Variants in FAM13A observed in about 807,000 individuals in gnomAD.
The protein encoded by FAM13A is protein FAM13A.
Under a neutral mutation model 129.6 loss-of-function variants are expected in FAM13A, and 76 were observed. That is an observed-to-expected ratio of 0.59 (90% CI 0.49 to 0.71). The LOEUF (loss-of-function observed/expected upper bound fraction) is 0.71, where lower values mean the gene tolerates loss of function less well. FAM13A is among the 30% of genes least tolerant of loss of function. The pLI is 0.00. For missense variants in FAM13A, 1,108 were observed against 1,249.3 expected, an observed-to-expected ratio of 0.89 and a Z score of 1.70; for synonymous variants, 443 against 449.9, an observed-to-expected ratio of 0.98 and a Z score of 0.20.
rs201112576 is a variant in FAM13A, at chr4:89,050,545, C to CT, written c.27+6392dup. 6.6e-3 allele frequency among the ~76,000 whole-genome samples: 992 copies of CT among 151,166 alleles called. 15 individuals carry two copies. The highest frequency in any genetic ancestry group is 0.022 in the African/African-American group (922 of 41,206). ...TTCTAAAACTCCAAATAAAAAACAG[C>CT]TTTTTTTTTACAAAAATCAAGAAAT... On this transcript the variant is annotated intron_variant, in intron 1 of 23. Transcript: ENST00000264344.
At chr4:88,985,321 A>T (rs1021626849) in intron 4 of FAM13A, among the ~76,000 whole-genome samples, 4 of 152,176 alleles carry the variant, frequency 2.6e-5, no homozygotes, top group African/African-American at 9.7e-5. Context: ...ATGGGAAGTG[A>T]CTGCTAACAG....
At chr4:89,040,149 G>A (rs1460602404) in intron 1 of FAM13A, among the ~76,000 whole-genome samples, 1 of 152,054 alleles carries the variant, frequency 6.6e-6, no homozygotes, top group Non-Finnish European at 1.5e-5. Context: ...CTGCAACAGG[G>A]ATGCAATGTA....
At position 88,728,765 on chromosome 4, in the gene FAM13A, C is replaced by G. The variant is rs374036141; in HGVS notation, c.2946-106G>C. 1.4e-4 allele frequency: 183 copies of G among 1,349,822 alleles called. 1 individual carries two copies. The East Asian group carries it at 3.7e-3, about 27-fold the overall frequency. The allele number at this position is 1,349,822 out of a possible 1,614,324, so 83.6% of individuals were successfully genotyped here. The stretch of plus-strand genomic sequence containing the variant: ...GTTTAGAAACTTTGCAGTTTATCAA[C>G]TTGTAGAATCAGTGTTGCCGAGTGG... On this transcript the variant is annotated intron_variant, in intron 23 of 23. Transcript: ENST00000264344.
At position 88,726,501 on chromosome 4, in the gene FAM13A, C is replaced by G. The variant is rs1298481312; in HGVS notation, c.*2032G>C. ...TTAGTAGCATCTCATTTATTTGTAGCTTAAAAAAAAATTCTGTAGCGTATT... is the reference window on the plus strand; with the variant it reads ...TTAGTAGCATCTCATTTATTTGTAGGTTAAAAAAAAATTCTGTAGCGTATT... On this transcript the variant is annotated 3_prime_UTR_variant, in exon 24 of 24. Coordinates refer to ENST00000264344, the MANE Select transcript of FAM13A (RefSeq NM_014883.4). 1 of 152,312 alleles carries G rather than the reference C, an allele frequency of 6.6e-6. No homozygotes were observed. Among genetic ancestry groups the G allele is most frequent in the Non-Finnish European group, 1.5e-5 (1 of 67,960 alleles). 9.4% of individuals were successfully genotyped at this position (152,312 alleles called of 1,614,324 possible). A position where few individuals can be genotyped will look rare whatever the true frequency, so the allele number is the denominator to read the frequency against.
At chr4:88,769,212 AC>A (rs1030626722) in intron 11 of FAM13A, among the ~76,000 whole-genome samples, 9 of 152,334 alleles carry the variant, frequency 5.9e-5, no homozygotes, top group Middle Eastern at 6.8e-3. Context: ...AACAATCTCC[AC>A]AAAATAAACA....
chr4:88,874,365 T>C (rs1023670179), intron 6 of FAM13A, among the ~76,000 whole-genome samples: 1 of 152,204 alleles, frequency 6.6e-6, no homozygotes, highest in South Asian at 2.1e-4. Flanking sequence ...TGTTTGCAGA[T>C]GACATGATTG....
intron 5 of FAM13A, among the ~76,000 whole-genome samples, chr4:88,906,990 T>C (rs1748281473): frequency 6.6e-6 from 1 of 152,246 alleles, no homozygotes; most frequent in Non-Finnish European, 1.5e-5. Context: ...TCCAGAATTA[T>C]TAAACCTCCA....
At chr4:88,979,613 T>C (rs1579601845) in intron 4 of FAM13A, among the ~76,000 whole-genome samples, 1 of 152,094 alleles carries the variant, frequency 6.6e-6, no homozygotes, top group African/African-American at 2.4e-5. Flanking sequence ...ATACAAAGCA[T>C]CTATAACATT....
intron 5 of FAM13A, among the ~76,000 whole-genome samples, chr4:88,917,536 C>A (rs1443628395): frequency 6.6e-6 from 1 of 152,050 alleles, no homozygotes; most frequent in Non-Finnish European, 1.5e-5. Context: ...TTACTGCTGC[C>A]CATCATCAAA....
intron 20 of FAM13A, 108 bp downstream of exon 20, chr4:88,738,922 T>A (rs1739573706): frequency 2.7e-6 from 2 of 733,920 alleles, no homozygotes; most frequent in Non-Finnish European, 4.9e-6. Context: ...GATTCAGCAA[T>A]TAAAGCCTAT....
chr4:88,895,352 G>A (rs1433177930), intron 6 of FAM13A, among the ~76,000 whole-genome samples: 2 of 152,002 alleles, frequency 1.3e-5, no homozygotes, highest in East Asian at 1.9e-4. Context: ...AAAATAACTT[G>A]GAAACTTGGT....
intron 3 of FAM13A, among the ~76,000 whole-genome samples, chr4:89,000,203 G>T (rs866433470): frequency 6.6e-6 from 1 of 152,076 alleles, no homozygotes; most frequent in Non-Finnish European, 1.5e-5. Context: ...AGATACTCAA[G>T]AGAAATGAAA....
intron 5 of FAM13A, among the ~76,000 whole-genome samples, chr4:88,917,537 C>T (rs1020719260): frequency 1.3e-5 from 2 of 152,070 alleles, no homozygotes; most frequent in Non-Finnish European, 2.9e-5. Flanking sequence ...TACTGCTGCC[C>T]ATCATCAAAT....
intron 7 of FAM13A, among the ~76,000 whole-genome samples, chr4:88,840,255 T>C (rs1735590756): frequency 6.6e-6 from 1 of 152,214 alleles, no homozygotes. Context: ...TGATAGAGGC[T>C]GTTGTTCTTA....
At chr4:88,790,807 C>T (rs989958348) in intron 8 of FAM13A, among the ~76,000 whole-genome samples, 180 bp from the exon 9 acceptor site, 4 of 152,132 alleles carry the variant, frequency 2.6e-5, no homozygotes, top group Non-Finnish European at 5.9e-5. Flanking sequence ...ATGGAGATGG[C>T]CCTGCTTGCT....
At chr4:88,780,464 T>C (rs1193160903) in intron 11 of FAM13A, among the ~76,000 whole-genome samples, 1 of 152,180 alleles carries the variant, frequency 6.6e-6, no homozygotes, top group African/African-American at 2.4e-5. Context: ...GTTGTTTTCT[T>C]TTTTAACTAA....
intron 5 of FAM13A, among the ~76,000 whole-genome samples, chr4:88,923,419 A>G (rs996477592): frequency 7.2e-5 from 11 of 152,332 alleles, no homozygotes; most frequent in African/African-American, 2.6e-4. Context: ...AATAAATGTA[A>G]TCCAGCATAT....
intron 5 of FAM13A, among the ~76,000 whole-genome samples, chr4:88,930,142 G>A (rs1380754731): frequency 1.3e-5 from 2 of 152,032 alleles, no homozygotes; most frequent in African/African-American, 4.8e-5. Flanking sequence ...ATCTCATTGA[G>A]CTTCTTTAAA....
chr4:88,956,478 C>T (rs1757770808), intron 4 of FAM13A, among the ~76,000 whole-genome samples: 1 of 152,106 alleles, frequency 6.6e-6, no homozygotes, highest in Admixed American at 6.5e-5. Flanking sequence ...CATTTCTCAA[C>T]ATGACTGTAT....
Sources: gnomAD v4.1 joint callset for allele counts (sites outside exome capture counted in the v4.1 genomes callset) on GRCh38, gnomAD v4.1.1 for gene constraint, MANE v1.5 for transcripts, NCBI Gene and HGNC (gene_info 2026-07-23, HGNC 2026-07-21) for gene names.